The following IPCEF1 variants were observed in gnomAD, a reference collection of about 807,000 sequenced individuals.
IPCEF1 encodes the protein interactor protein for cytohesin exchange factors 1.
A neutral mutation model predicts 50.9 loss-of-function variants in IPCEF1; 31 were observed. The ratio of observed to expected loss-of-function variants is 0.61; its 90% CI spans 0.46 to 0.82. The LOEUF is 0.82. Ranked by LOEUF, IPCEF1 falls within the 40% of genes least tolerant of loss-of-function variation. IPCEF1 has a pLI of 0.00. For missense variants in IPCEF1, 458 were observed against 514.0 expected (o/e 0.89, Z 1.05); for synonymous variants, 181 against 192.0 (o/e 0.94, Z 0.47).
At chr6:154,163,140 C>T (rs1001646886) in intron 11 of IPCEF1, among the ~76,000 whole-genome samples, 1 of 152,162 alleles carries the variant, frequency 6.6e-6, no homozygotes, top group African/African-American at 2.4e-5. Flanking sequence ...TGTCTTACTC[C>T]GAGCAGAAGC....
intron 1 of IPCEF1, among the ~76,000 whole-genome samples, chr6:154,310,545 C>T (rs1783052731): frequency 6.6e-6 from 1 of 151,900 alleles, no homozygotes; most frequent in South Asian, 2.1e-4. Flanking sequence ...GGTGTATATC[C>T]AAAGAAATTG....
chr6:154,353,863 T>C (rs1184260391), intron 1 of IPCEF1, among the ~76,000 whole-genome samples: 1 of 152,386 alleles, frequency 6.6e-6, no homozygotes, highest in South Asian at 2.1e-4. Context: ...ATCATTTTCT[T>C]GATGACATTT....
At chr6:154,259,205 G>T (rs1781533872) in intron 3 of IPCEF1, among the ~76,000 whole-genome samples, 2 of 152,218 alleles carry the variant, frequency 1.3e-5, no homozygotes, top group African/African-American at 4.8e-5. Context: ...CACAGGAAGA[G>T]TTGACTCTTG....
chr6:154,274,528 G>A (rs896214938), intron 2 of IPCEF1, among the ~76,000 whole-genome samples: 1 of 152,224 alleles, frequency 6.6e-6, no homozygotes, highest in Non-Finnish European at 1.5e-5. Context: ...AACTGCAAGA[G>A]ATCTCAAACG....
At chr6:154,287,185 C>T (rs1297755520) in intron 2 of IPCEF1, among the ~76,000 whole-genome samples, 1 of 151,310 alleles carries the variant, frequency 6.6e-6, no homozygotes, top group Non-Finnish European at 1.5e-5. Flanking sequence ...CTCTCTCTCT[C>T]TCTTGCTCTG....
intron 1 of IPCEF1, among the ~76,000 whole-genome samples, chr6:154,338,967 G>T (rs1391302500): frequency 6.6e-6 from 1 of 152,020 alleles, no homozygotes; most frequent in Non-Finnish European, 1.5e-5. Flanking sequence ...AAATCACTTT[G>T]TTCCTGCCTA....
chr6:154,208,578 G>GTTCCAAT (rs1777699340), intron 9 of IPCEF1, among the ~76,000 whole-genome samples: 1 of 152,176 alleles, frequency 6.6e-6, no homozygotes, highest in Non-Finnish European at 1.5e-5. Context: ...TTTATTCACT[G>GTTCCAAT]ATGTGTTCCA....
chr6:154,172,954 A>G (rs1799995541), intron 10 of IPCEF1, among the ~76,000 whole-genome samples: 2 of 152,188 alleles, frequency 1.3e-5, no homozygotes. Context: ...TCTGGGGCAA[A>G]GCTTCCAGAG....
At chr6:154,161,036 G>C (rs944005618) in intron 11 of IPCEF1, among the ~76,000 whole-genome samples, 3 of 152,128 alleles carry the variant, frequency 2.0e-5, no homozygotes, top group African/African-American at 7.2e-5. Flanking sequence ...TGACTTCCCA[G>C]TCTAATGTAC....
intron 1 of IPCEF1, among the ~76,000 whole-genome samples, chr6:154,351,008 C>T (rs1167905213): frequency 6.6e-6 from 1 of 152,196 alleles, no homozygotes; most frequent in Non-Finnish European, 1.5e-5. Flanking sequence ...GCATCAACCA[C>T]CCCACCTGGC....
intron 1 of IPCEF1, among the ~76,000 whole-genome samples, chr6:154,339,422 T>A (rs1481294077): frequency 6.6e-6 from 1 of 151,404 alleles, no homozygotes; most frequent in Non-Finnish European, 1.5e-5. Flanking sequence ...TACTTTTATC[T>A]TTTTTTAATC....
intron 10 of IPCEF1, among the ~76,000 whole-genome samples, chr6:154,192,957 T>A (rs1439985220): frequency 6.6e-6 from 1 of 152,160 alleles, no homozygotes; most frequent in Non-Finnish European, 1.5e-5. Flanking sequence ...GAAAACAGTG[T>A]GGCGATTCCT....
At chr6:154,265,408 GT>G (rs1562572096) in intron 3 of IPCEF1, among the ~76,000 whole-genome samples, 5 of 151,800 alleles carry the variant, frequency 3.3e-5, no homozygotes. Flanking sequence ...AGCCTCCTCA[GT>G]AACTGGGATT....
rs2128545269 is a variant in IPCEF1, at chr6:154,158,902, G to A, written c.*926C>T. 6.6e-6 allele frequency: 1 copy of A among 152,106 alleles called. No individual in the cohort carries two copies. The highest frequency in any genetic ancestry group is 1.9e-4 in the East Asian group (1 of 5,192). The allele number at this position is 152,106 out of a possible 1,614,324, so 9.4% of individuals were successfully genotyped here. A position where few individuals can be genotyped will look rare whatever the true frequency, so the allele number is the denominator to read the frequency against. The stretch of plus-strand genomic sequence containing the variant: ...TTTAACTCTTTTGTTGCTTCCATGG[G>A]TTTTTGTTTTTTTGTTTTTTTGAGT... On this transcript the variant is annotated 3_prime_UTR_variant, in exon 12 of 12. Coordinates refer to ENST00000367220, the MANE Select transcript of IPCEF1 (RefSeq NM_001130700.2).
chr6:154,229,418 T>C (rs369566932), intron 5 of IPCEF1, among the ~76,000 whole-genome samples: 1 of 149,376 alleles, frequency 6.7e-6, no homozygotes, highest in Non-Finnish European at 1.5e-5. Context: ...GGCGCGATCT[T>C]GGCTTACTGC....
At chr6:154,279,127 T>TAAAAAAAAAAAAAA (rs5881071) in intron 2 of IPCEF1, among the ~76,000 whole-genome samples, 1 of 105,468 alleles carries the variant, frequency 9.5e-6, no homozygotes, top group African/African-American at 3.7e-5. Flanking sequence ...TGTCTCAAAA[T>TAAAAAAAAAAAAAA]AAAAAAAAAA....
intron 11 of IPCEF1, among the ~76,000 whole-genome samples, chr6:154,161,760 G>A (rs920714865): frequency 1.3e-5 from 2 of 152,072 alleles, no homozygotes; most frequent in East Asian, 1.9e-4. Context: ...TGCACCTAAC[G>A]CAATGCCAAG....
At chr6:154,328,268 A>C (rs1472382868) in intron 1 of IPCEF1, among the ~76,000 whole-genome samples, 1 of 152,214 alleles carries the variant, frequency 6.6e-6, no homozygotes, top group East Asian at 1.9e-4. Flanking sequence ...GTCAAACTAA[A>C]TTAGAACAAA....
intron 5 of IPCEF1, among the ~76,000 whole-genome samples, chr6:154,244,510 T>C (rs1583893044): frequency 6.6e-6 from 1 of 152,204 alleles, no homozygotes; most frequent in East Asian, 1.9e-4. Flanking sequence ...GAATATTGCT[T>C]TCTGTGTTGC....
Sources: allele counts gnomAD v4.1 joint callset (sites outside exome capture counted in the v4.1 genomes callset), GRCh38; gene constraint gnomAD v4.1.1; transcripts MANE v1.5; gene names NCBI Gene and HGNC (gene_info 2026-07-23, HGNC 2026-07-21).